Variants in PXDNL observed in about 807,000 individuals in gnomAD.
The protein encoded by PXDNL is probable oxidoreductase PXDNL.
In PXDNL, 145 loss-of-function variants were observed where a neutral mutation model predicts 150.8. The ratio of observed to expected loss-of-function variants is 0.96; its 90% CI spans 0.84 to 1.10. PXDNL has a LOEUF of 1.10. PXDNL is among the 50% of genes least tolerant of loss of function. The probability of loss-of-function intolerance (pLI) is 0.00; values close to 1 mark genes in which losing one functional copy is unlikely to be tolerated. For missense variants in PXDNL, 2,087 were observed against 1,873.9 expected, an observed-to-expected ratio of 1.11 and a Z score of -2.10; for synonymous variants, 757 against 725.7, an observed-to-expected ratio of 1.04 and a Z score of -0.69.
chr8:51,642,307 T>C (rs547364714), intron 2 of PXDNL, among the ~76,000 whole-genome samples: 4 of 152,156 alleles, frequency 2.6e-5, no homozygotes, highest in East Asian at 3.9e-4. Context: ...TGTATACATA[T>C]GTAACTAACC....
At chr8:51,708,610 A>C (rs1451512544) in intron 1 of PXDNL, among the ~76,000 whole-genome samples, 3 of 152,214 alleles carry the variant, frequency 2.0e-5, no homozygotes, top group Non-Finnish European at 4.4e-5. Flanking sequence ...AAAATCAGAG[A>C]GCTCATAGAT....
chr8:51,782,248 TC>T (rs370941281), intron 1 of PXDNL, among the ~76,000 whole-genome samples: 309 of 152,174 alleles, frequency 2.0e-3, no homozygotes, highest in African/African-American at 6.6e-3. Flanking sequence ...GCCTTGGGCT[TC>T]CCCCTTATTG....
chr8:51,574,518 T>A (rs185368699), intron 3 of PXDNL, among the ~76,000 whole-genome samples: 278 of 151,862 alleles, frequency 1.8e-3, no homozygotes, highest in African/African-American at 6.0e-3. Context: ...AAAGAAACAA[T>A]GACTGAAAAC....
chr8:51,790,320 T>C (rs1487366065), intron 1 of PXDNL, among the ~76,000 whole-genome samples: 2 of 152,038 alleles, frequency 1.3e-5, no homozygotes, highest in African/African-American at 4.8e-5. Context: ...ATGGCAAGTG[T>C]GGGATTTCCT....
At chr8:51,805,566 C>G (rs1203759496) in intron 1 of PXDNL, among the ~76,000 whole-genome samples, 2 of 151,378 alleles carry the variant, frequency 1.3e-5, no homozygotes, top group Non-Finnish European at 2.9e-5. Context: ...TTTTTCATGA[C>G]TGAGCATAAG....
At chr8:51,640,472 A>C (rs1170065750) in intron 2 of PXDNL, among the ~76,000 whole-genome samples, 2 of 152,192 alleles carry the variant, frequency 1.3e-5, no homozygotes, top group East Asian at 3.8e-4. Flanking sequence ...CTCAGCCCAA[A>C]TTCTCCTTAA....
chr8:51,515,603 G>A (rs569102496), intron 4 of PXDNL, among the ~76,000 whole-genome samples: 5 of 152,236 alleles, frequency 3.3e-5, no homozygotes, highest in African/African-American at 7.2e-5. Context: ...GTCCTCCCTC[G>A]TGAACATCTC....
chr8:51,617,041 T>TA (rs1458925807), intron 2 of PXDNL, among the ~76,000 whole-genome samples: 3 of 152,180 alleles, frequency 2.0e-5, no homozygotes, highest in African/African-American at 7.2e-5. Context: ...CAACTGTACT[T>TA]ACATGTATAT....
At chr8:51,724,711 G>A (rs931500029) in intron 1 of PXDNL, among the ~76,000 whole-genome samples, 24 of 152,166 alleles carry the variant, frequency 1.6e-4, no homozygotes, top group Non-Finnish European at 3.4e-4. Flanking sequence ...CAGCCCTGTA[G>A]AAGCCATCTT....
intron 1 of PXDNL, among the ~76,000 whole-genome samples, chr8:51,737,928 C>G (rs1173819815): frequency 1.3e-5 from 2 of 152,172 alleles, no homozygotes; most frequent in South Asian, 4.1e-4. Context: ...GGCCACCTGC[C>G]CACCCAGGGG....
chr8:51,807,250 A>G (rs1347413254), intron 1 of PXDNL, among the ~76,000 whole-genome samples: 1 of 152,184 alleles, frequency 6.6e-6, no homozygotes, highest in Non-Finnish European at 1.5e-5. Flanking sequence ...GAAACTTACA[A>G]TCATCGCAGA....
intron 1 of PXDNL, among the ~76,000 whole-genome samples, chr8:51,744,371 GAAAA>G (rs2036951116): frequency 6.6e-6 from 1 of 150,708 alleles, no homozygotes; most frequent in East Asian, 2.0e-4. Context: ...GAGAGAAAGA[GAAAA>G]AAGAAAGGAA....
At chr8:51,687,307 G>T (rs1390983605) in intron 1 of PXDNL, among the ~76,000 whole-genome samples, 1 of 152,126 alleles carries the variant, frequency 6.6e-6, no homozygotes, top group African/African-American at 2.4e-5. Flanking sequence ...TATGTCAGAT[G>T]CTTTAGTCTA....
intron 1 of PXDNL, among the ~76,000 whole-genome samples, chr8:51,721,079 T>C (rs1301254601): frequency 6.6e-6 from 1 of 152,236 alleles, no homozygotes; most frequent in Non-Finnish European, 1.5e-5. Flanking sequence ...CAGAGCCTCC[T>C]GGCTGAACCC....
chr8:51,676,947 C>T (rs112582086), intron 1 of PXDNL, among the ~76,000 whole-genome samples: 3 of 152,252 alleles, frequency 2.0e-5, no homozygotes, highest in African/African-American at 7.2e-5. Flanking sequence ...GAATCAGCTC[C>T]TGAAATGGGT....
rs1180332540 is a variant in PXDNL at position 51,534,298 on chromosome 8, G to A, written c.380+22542C>T. Among the ~76,000 whole-genome samples, 11 of 145,498 alleles carry A rather than the reference G, an allele frequency of 7.6e-5. 1 individual carries two copies. Among genetic ancestry groups the A allele is most frequent in the Admixed American group, 3.3e-4 (5 of 15,018 alleles). On this transcript the variant is annotated intron_variant, in intron 4 of 22. Coordinates refer to ENST00000356297, the MANE Select transcript of PXDNL (RefSeq NM_144651.5). ...AGCCCCTCCGTCCGGCAGCCACCCC[G>A]TCTGGGAAGTGAGGAGCGTCTACGC... is the stretch of plus-strand genomic sequence containing the variant.
intron 1 of PXDNL, among the ~76,000 whole-genome samples, chr8:51,789,507 C>T (rs1357395081): frequency 1.3e-5 from 2 of 152,130 alleles, no homozygotes; most frequent in Non-Finnish European, 2.9e-5. Context: ...AAAAGGAAAA[C>T]CCAGAGGCTT....
chr8:51,356,547 G>T (rs1806516383), intron 19 of PXDNL, among the ~76,000 whole-genome samples: 1 of 149,368 alleles, frequency 6.7e-6, no homozygotes, highest in African/African-American at 2.5e-5. Flanking sequence ...GGAAAGAAAA[G>T]AACCTAGTAA....
chr8:51,480,591 A>G (rs1810579140), intron 6 of PXDNL, among the ~76,000 whole-genome samples: 1 of 152,148 alleles, frequency 6.6e-6, no homozygotes, highest in African/African-American at 2.4e-5. Context: ...TCCAAACTAT[A>G]TCAGCCTCTG....
Sources: allele counts gnomAD v4.1 joint callset (sites outside exome capture counted in the v4.1 genomes callset), GRCh38; gene constraint gnomAD v4.1.1; transcripts MANE v1.5; gene names NCBI Gene and HGNC (gene_info 2026-07-23, HGNC 2026-07-21).